UNC13C: variants seen among roughly 807,000 people sequenced by gnomAD.
UNC13C encodes the protein protein unc-13 homolog C.
In UNC13C, 174 loss-of-function variants were observed where a neutral mutation model predicts 245.4. The ratio of observed to expected loss-of-function variants is 0.71; its 90% CI spans 0.63 to 0.80. The LOEUF (loss-of-function observed/expected upper bound fraction) is 0.80. Ranked by LOEUF, UNC13C falls within the 30% of genes least tolerant of loss-of-function variation. UNC13C has a pLI of 0.00. For missense variants in UNC13C, 2,829 were observed against 2,602.9 expected, an observed-to-expected ratio of 1.09 and a Z score of -1.89; for synonymous variants, 992 against 895.1, an observed-to-expected ratio of 1.11 and a Z score of -1.93.
intron 30 of UNC13C, among the ~76,000 whole-genome samples, chr15:54,600,838 T>C (rs987729571): frequency 2.0e-5 from 3 of 152,080 alleles, no homozygotes; most frequent in Non-Finnish European, 4.4e-5. Flanking sequence ...GTGGATGATA[T>C]AGCATTGGAT....
the UNC13C span, among the ~76,000 whole-genome samples, chr15:53,838,320 AT>A: frequency 6.6e-6 from 1 of 152,020 alleles, no homozygotes; most frequent in African/African-American, 2.4e-5. Context: ...ATTCCTTTAT[AT>A]TTTTTAGAAG....
At chr15:54,410,071 A>T (rs141542308) in intron 18 of UNC13C, among the ~76,000 whole-genome samples, 1 of 152,242 alleles carries the variant, frequency 6.6e-6, no homozygotes, top group African/African-American at 2.4e-5. Flanking sequence ...TGCCATTCTG[A>T]CCAATGTGAG....
At chr15:54,563,605 T>A (rs1897383617) in intron 29 of UNC13C, among the ~76,000 whole-genome samples, 1 of 152,040 alleles carries the variant, frequency 6.6e-6, no homozygotes, top group African/African-American at 2.4e-5. Context: ...ACTTTTCACA[T>A]ATTTAATGTT....
chr15:54,477,733 G>A (rs1892845075), intron 19 of UNC13C, among the ~76,000 whole-genome samples: 1 of 145,918 alleles, frequency 6.9e-6, no homozygotes, highest in Admixed American at 6.9e-5. Flanking sequence ...GAGGATTTTT[G>A]CATCAATGTT....
chr15:54,181,987 T>G (rs2033815970), intron 4 of UNC13C, among the ~76,000 whole-genome samples: 1 of 151,912 alleles, frequency 6.6e-6, no homozygotes, highest in Non-Finnish European at 1.5e-5. Context: ...TGAAGAGAGA[T>G]AGTTTGAGTT....
chr15:54,573,813 C>T (rs62023989), intron 30 of UNC13C, among the ~76,000 whole-genome samples: 7,802 of 152,138 alleles, frequency 0.051, 346 homozygotes, highest in Admixed American at 0.13. Flanking sequence ...GGACAGCCTT[C>T]CCTGTAATAA....
chr15:54,058,950 C>T (rs1037739949), intron 2 of UNC13C, among the ~76,000 whole-genome samples: 15 of 152,162 alleles, frequency 9.9e-5, no homozygotes, highest in East Asian at 3.9e-4. Context: ...TAGGTATTGA[C>T]GGGACGTATC....
the UNC13C span, among the ~76,000 whole-genome samples, chr15:53,969,728 A>G: frequency 6.6e-6 from 1 of 151,312 alleles, no homozygotes; most frequent in Non-Finnish European, 1.5e-5. Flanking sequence ...ACAAAATCCC[A>G]TACACTTAAC....
At chr15:54,439,864 G>T (rs1050961414) in intron 19 of UNC13C, among the ~76,000 whole-genome samples, 3 of 151,886 alleles carry the variant, frequency 2.0e-5, no homozygotes, top group Non-Finnish European at 4.4e-5. Flanking sequence ...ACACTACTCT[G>T]CTGTTGAACA....
the UNC13C span, among the ~76,000 whole-genome samples, chr15:53,961,430 G>A: frequency 6.6e-6 from 1 of 152,240 alleles, no homozygotes; most frequent in Admixed American, 6.5e-5. Flanking sequence ...TCTTCATGAG[G>A]AGGGATGAAT....
chr15:53,932,140 C>T, the UNC13C span, among the ~76,000 whole-genome samples: 1 of 152,042 alleles, frequency 6.6e-6, no homozygotes, highest in Non-Finnish European at 1.5e-5. Flanking sequence ...GAAACCCCAT[C>T]TCTACTAAAA....
In UNC13C at chr15:54,195,583, G is replaced by A. The variant is rs184295998; in HGVS notation, c.3072-39447G>A. On this transcript the variant is annotated intron_variant, in intron 4 of 32. Coordinates refer to ENST00000260323, the MANE Select transcript of UNC13C (RefSeq NM_001080534.3). The stretch of plus-strand genomic sequence containing the variant: ...CAGCATTAATGTCATGAAGTTCCCA[G>A]GTACAAGGTAAGCCACGCTTTATAT... Among the ~76,000 whole-genome samples the A allele has an allele frequency of 7.9e-5, 12 of 152,196 alleles. No homozygotes were observed. In the East Asian group the frequency reaches 2.3e-3, roughly 29 times the overall value.
chr15:54,419,226 A>T (rs1393251126), intron 19 of UNC13C, among the ~76,000 whole-genome samples: 1 of 152,162 alleles, frequency 6.6e-6, no homozygotes, highest in East Asian at 1.9e-4. Context: ...TGCTCTTTTG[A>T]TAGAGATGAA....
At chr15:54,233,109 A>C (rs187473048) in intron 4 of UNC13C, among the ~76,000 whole-genome samples, 1 of 152,258 alleles carries the variant, frequency 6.6e-6, no homozygotes, top group South Asian at 2.1e-4. Flanking sequence ...TATGTCACCA[A>C]TGATTCTTTC....
chr15:54,181,353 T>C (rs1357839351), intron 4 of UNC13C, among the ~76,000 whole-genome samples: 1 of 152,164 alleles, frequency 6.6e-6, no homozygotes, highest in East Asian at 1.9e-4. Flanking sequence ...GTTCCATTGG[T>C]CTATATGTCT....
chr15:54,099,567 C>G (rs1004663690), intron 2 of UNC13C, among the ~76,000 whole-genome samples: 5 of 152,072 alleles, frequency 3.3e-5, no homozygotes, highest in African/African-American at 1.2e-4. Flanking sequence ...TGAAATTTTT[C>G]AAACTGTAAA....
intron 4 of UNC13C, among the ~76,000 whole-genome samples, chr15:54,153,250 A>T (rs184367052): frequency 5.5e-4 from 83 of 152,278 alleles, no homozygotes; most frequent in African/African-American, 1.9e-3. Context: ...TTTAGAAAGA[A>T]TATAAAATAA....
Position 54,327,390 on chromosome 15 carries a change from A to AT in UNC13C, c.4426-4642dup, listed in dbSNP as rs879275941. Among the ~76,000 whole-genome samples, 366 of 148,584 alleles carry AT rather than the reference A, an allele frequency of 2.5e-3. 1 individual carries two copies. The highest frequency in any genetic ancestry group is 3.0e-3 in the Non-Finnish European group (198 of 66,866). Reference sequence around the variant, plus strand: ...AAAAAATTGAAATATTATTTTTATAATTTTTTTTTTTACTTAGCTGAGTTG... The same window carrying AT: ...AAAAAATTGAAATATTATTTTTATAATTTTTTTTTTTTACTTAGCTGAGTTG... On this transcript the variant is annotated intron_variant, in intron 14 of 32. Transcript: ENST00000260323.
intron 26 of UNC13C, among the ~76,000 whole-genome samples, chr15:54,540,376 C>T (rs1896188873): frequency 6.6e-6 from 1 of 151,878 alleles, no homozygotes. Flanking sequence ...TCTTTATTGC[C>T]AACCAATACA....
Sources: gnomAD v4.1 joint callset for allele counts (sites outside exome capture counted in the v4.1 genomes callset) on GRCh38, gnomAD v4.1.1 for gene constraint, MANE v1.5 for transcripts, NCBI Gene and HGNC (gene_info 2026-07-23, HGNC 2026-07-21) for gene names.